AKAIN1: variants seen among roughly 807,000 people sequenced by gnomAD.
The protein encoded by AKAIN1 is A-kinase anchor protein inhibitor 1.
In AKAIN1, 3 loss-of-function variants were observed where a neutral mutation model predicts 3.7. That is an observed-to-expected ratio of 0.82 (90% CI 0.37 to 2.12). The LOEUF is 2.12. Among genes scored for constraint, AKAIN1 ranks in the 30% most tolerant of loss-of-function variants. The probability of loss-of-function intolerance (pLI) is 0.06; values close to 1 mark genes in which losing one functional copy is unlikely to be tolerated. For missense variants in AKAIN1, 82 were observed against 82.7 expected, an observed-to-expected ratio of 0.99 and a Z score of 0.03; for synonymous variants, 31 against 30.8, an observed-to-expected ratio of 1.01 and a Z score of -0.02.
chr18:5,150,291 G>C (rs1361346438), intron 1 of AKAIN1, among the ~76,000 whole-genome samples: 1 of 152,220 alleles, frequency 6.6e-6, no homozygotes, highest in African/African-American at 2.4e-5. Context: ...ACAACCAACA[G>C]AAGGCAGGGC....
intron 1 of AKAIN1, among the ~76,000 whole-genome samples, chr18:5,162,840 C>T (rs1006792136): frequency 6.6e-6 from 1 of 151,630 alleles, no homozygotes; most frequent in African/African-American, 2.4e-5. Flanking sequence ...AGAGGGTGAC[C>T]AGTTACAGGA....
At chr18:5,182,317 G>C (rs982151787) in intron 1 of AKAIN1, among the ~76,000 whole-genome samples, 17 of 152,198 alleles carry the variant, frequency 1.1e-4, no homozygotes, top group South Asian at 1.0e-3. Flanking sequence ...ATGTATATAA[G>C]ATGCACATTA....
At chr18:5,166,352 A>C (rs1327324153) in intron 1 of AKAIN1, among the ~76,000 whole-genome samples, 2 of 151,964 alleles carry the variant, frequency 1.3e-5, no homozygotes, top group Admixed American at 1.3e-4. Flanking sequence ...GGCACTAGTG[A>C]GTTACCAACT....
intron 1 of AKAIN1, among the ~76,000 whole-genome samples, chr18:5,187,610 C>G (rs1712274901): frequency 6.6e-6 from 1 of 152,120 alleles, no homozygotes; most frequent in Non-Finnish European, 1.5e-5. Flanking sequence ...GGCATTAACC[C>G]ATTCATGAGG....
At chr18:5,174,866 A>T (rs1469358840) in intron 1 of AKAIN1, among the ~76,000 whole-genome samples, 1 of 152,162 alleles carries the variant, frequency 6.6e-6, no homozygotes, top group Non-Finnish European at 1.5e-5. Flanking sequence ...CAGGCCTCAG[A>T]TTCCCTGCAG....
chr18:5,150,131 G>A (rs966083282), intron 1 of AKAIN1, among the ~76,000 whole-genome samples: 1 of 152,230 alleles, frequency 6.6e-6, no homozygotes, highest in Non-Finnish European at 1.5e-5. Flanking sequence ...AAGCATCCTG[G>A]AGAGCAGGTG....
chr18:5,180,786 C>T (rs1423819374), intron 1 of AKAIN1, among the ~76,000 whole-genome samples: 2 of 151,910 alleles, frequency 1.3e-5, no homozygotes, highest in Admixed American at 6.6e-5. Context: ...AATGGGAAGG[C>T]AGGAATAAGT....
At chr18:5,152,519 G>A (rs1366128371) in intron 1 of AKAIN1, among the ~76,000 whole-genome samples, 1 of 152,050 alleles carries the variant, frequency 6.6e-6, no homozygotes, top group Non-Finnish European at 1.5e-5. Context: ...CTCATCAGCA[G>A]CTCTACCATT....
intron 1 of AKAIN1, among the ~76,000 whole-genome samples, chr18:5,149,584 TTC>T (rs2071068983): frequency 6.6e-6 from 1 of 152,234 alleles, no homozygotes; most frequent in Non-Finnish European, 1.5e-5. Flanking sequence ...ACCTCTCCGC[TTC>T]TTCTAGAGTC....
chr18:5,186,091 G>A (rs563292484), intron 1 of AKAIN1, among the ~76,000 whole-genome samples: 36 of 152,178 alleles, frequency 2.4e-4, no homozygotes, highest in African/African-American at 8.4e-4. Context: ...TGGAGCTGGA[G>A]GCCATTATCA....
At chr18:5,176,940 G>C (rs191103883) in intron 1 of AKAIN1, among the ~76,000 whole-genome samples, 22 of 151,818 alleles carry the variant, frequency 1.4e-4, no homozygotes, top group African/African-American at 5.3e-4. Flanking sequence ...TACTTCCAAG[G>C]GTATATATAA....
chr18:5,179,388 T>G (rs1214383304), intron 1 of AKAIN1, among the ~76,000 whole-genome samples: 1 of 151,138 alleles, frequency 6.6e-6, no homozygotes, highest in Non-Finnish European at 1.5e-5. Context: ...CCTTCATTTT[T>G]ATGGCTGAGT....
At chr18:5,147,615 T>C (rs28455736) in intron 1 of AKAIN1, among the ~76,000 whole-genome samples, 45 of 152,300 alleles carry the variant, frequency 3.0e-4, no homozygotes, top group African/African-American at 1.1e-3. Flanking sequence ...AGAGGAAACA[T>C]CACAAAAGAT....
intron 1 of AKAIN1, among the ~76,000 whole-genome samples, chr18:5,161,806 T>G (rs2071140923): frequency 6.6e-6 from 1 of 152,124 alleles, no homozygotes; most frequent in Non-Finnish European, 1.5e-5. Context: ...CTCATTGAAT[T>G]TATTAATATT....
chr18:5,155,680 T>C (rs2071104174), intron 1 of AKAIN1, among the ~76,000 whole-genome samples: 1 of 152,120 alleles, frequency 6.6e-6, no homozygotes, highest in African/African-American at 2.4e-5. Flanking sequence ...TGGCCCGAAC[T>C]CAGGACTCCC....
chr18:5,189,347 A>C (rs1002629737), intron 1 of AKAIN1, among the ~76,000 whole-genome samples: 1 of 152,216 alleles, frequency 6.6e-6, no homozygotes, highest in Non-Finnish European at 1.5e-5. Flanking sequence ...TGACTTGGCC[A>C]CAGCATTCTG....
chr18:5,197,510 A>AAAAAAAAAAC (rs1462479403), upstream of AKAIN1: 3 of 1,225,774 alleles, frequency 2.4e-6, no homozygotes, highest in Non-Finnish European at 2.0e-6. The surrounding 1 kb of genome is among the most constrained non-coding windows in gnomAD (Gnocchi z 6.9). Context: ...TTGTCAAAAA[A>AAAAAAAAAAC]AAAAAACTCT....
intron 1 of AKAIN1, among the ~76,000 whole-genome samples, chr18:5,196,563 G>A (rs1246461094): frequency 1.3e-5 from 2 of 152,210 alleles, no homozygotes; most frequent in African/African-American, 4.8e-5. Context: ...TACTCCCCTT[G>A]GCTTCGCCCA....
intron 1 of AKAIN1, among the ~76,000 whole-genome samples, chr18:5,165,268 G>A (rs1598308947): frequency 6.6e-6 from 1 of 152,018 alleles, no homozygotes; most frequent in East Asian, 1.9e-4. Context: ...GCTAATAAAA[G>A]CAGATAAAAT....
Sources: gnomAD v4.1 joint callset for allele counts (sites outside exome capture counted in the v4.1 genomes callset) on GRCh38, gnomAD v4.1.1 for gene constraint, Gnocchi (gnomAD v3.1) non-coding constraint, MANE v1.5 for transcripts, NCBI Gene and HGNC (gene_info 2026-07-23, HGNC 2026-07-21) for gene names.